SYCP1: variants seen among roughly 807,000 people sequenced by gnomAD.
The protein encoded by SYCP1 is cancer/testis antigen 8.
In SYCP1, 64 loss-of-function variants were observed where a neutral mutation model predicts 153.1. That is an observed-to-expected ratio of 0.42 (90% CI 0.34 to 0.51). The LOEUF is 0.51. Among genes scored for constraint, SYCP1 ranks in the 20% least tolerant of loss-of-function variants. SYCP1 has a pLI of 0.06. For missense variants in SYCP1, 997 were observed against 1,049.0 expected (o/e 0.95, Z 0.68); for synonymous variants, 384 against 341.8 (o/e 1.12, Z -1.36).
chr1:114,947,942 TACATGTGCACA>T (rs1042775030), intron 27 of SYCP1, among the ~76,000 whole-genome samples: 4 of 151,528 alleles, frequency 2.6e-5, no homozygotes, highest in African/African-American at 9.7e-5. Flanking sequence ...AGTTTTAGGG[TACATGTGCACA>T]ACGTGCAGGT....
intron 29 of SYCP1, among the ~76,000 whole-genome samples, chr1:114,982,272 G>A (rs536881533): frequency 6.6e-6 from 1 of 152,046 alleles, no homozygotes; most frequent in African/African-American, 2.4e-5. Flanking sequence ...TGGAGTTCCT[G>A]CCTCACTTGT....
chr1:114,971,784 A>G (rs1435283773), intron 27 of SYCP1, among the ~76,000 whole-genome samples: 1 of 152,134 alleles, frequency 6.6e-6, no homozygotes, highest in Non-Finnish European at 1.5e-5. Context: ...GCCATGATGA[A>G]TGATGTTTCA....
chr1:114,977,827 A>G (rs1049928890), intron 28 of SYCP1: 3 of 321,926 alleles, frequency 9.3e-6, no homozygotes, highest in African/African-American at 6.5e-5. Context: ...AGAAGGTTTC[A>G]GTCTAATGCA....
chr1:114,859,344 C>T (rs1408347323), intron 6 of SYCP1, among the ~76,000 whole-genome samples: 1 of 152,154 alleles, frequency 6.6e-6, no homozygotes, highest in Non-Finnish European at 1.5e-5. Flanking sequence ...GCCTCGGCCT[C>T]CCAAAGTGCT....
chr1:114,990,270 G>A (rs1227157060), intron 30 of SYCP1, among the ~76,000 whole-genome samples: 2 of 151,840 alleles, frequency 1.3e-5, no homozygotes, highest in East Asian at 1.9e-4. Context: ...ATTCACAAGG[G>A]AAATTAGAAA....
At chr1:114,941,565 A>T (rs1670390813) in intron 23 of SYCP1, among the ~76,000 whole-genome samples, 1 of 152,098 alleles carries the variant, frequency 6.6e-6, no homozygotes, top group Non-Finnish European at 1.5e-5. Flanking sequence ...AGACTACATT[A>T]TCTCCTTTAT....
chr1:114,874,870 GTGTCTGGCTTC>G (rs1367085020), intron 9 of SYCP1, among the ~76,000 whole-genome samples: 2 of 152,100 alleles, frequency 1.3e-5, no homozygotes, highest in African/African-American at 4.8e-5. Flanking sequence ...TTATTCATCT[GTGTCTGGCTTC>G]TGTTTACCTT....
chr1:114,988,237 AAGAG>A (rs1221101191), intron 30 of SYCP1, among the ~76,000 whole-genome samples: 1 of 151,560 alleles, frequency 6.6e-6, no homozygotes, highest in Non-Finnish European at 1.5e-5. Context: ...GAGAGAGAAA[AAGAG>A]AGAGAGAGGT....
At chr1:114,994,830 G>A (rs1467200897) in intron 31 of SYCP1, 43 bp downstream of exon 31, 2 of 1,572,314 alleles carry the variant, frequency 1.3e-6, no homozygotes, top group African/African-American at 1.4e-5. Context: ...TTTAAAAGCT[G>A]CACTTAAAAA....
intron 30 of SYCP1, among the ~76,000 whole-genome samples, chr1:114,988,303 A>G (rs1000221018): frequency 6.6e-6 from 1 of 151,958 alleles, no homozygotes; most frequent in Non-Finnish European, 1.5e-5. Flanking sequence ...AATTTTGATG[A>G]AAGACATGAA....
chr1:114,889,662 C>T (rs1666565659), intron 15 of SYCP1, among the ~76,000 whole-genome samples: 1 of 152,140 alleles, frequency 6.6e-6, no homozygotes. Flanking sequence ...TGCCTGTTCA[C>T]TCTGATGGTA....
intron 27 of SYCP1, among the ~76,000 whole-genome samples, chr1:114,961,969 CATCT>C (rs907725964): frequency 2.0e-5 from 3 of 148,954 alleles, no homozygotes; most frequent in African/African-American, 7.5e-5. Context: ...TTTGTGTTGC[CATCT>C]ATCTTTTTTT....
intron 30 of SYCP1, among the ~76,000 whole-genome samples, chr1:114,985,268 T>G (rs1048404455): frequency 6.6e-6 from 1 of 151,938 alleles, no homozygotes; most frequent in Non-Finnish European, 1.5e-5. Flanking sequence ...ACATGCTCCT[T>G]TTACATCACT....
intron 13 of SYCP1, 32 bp from the exon 14 acceptor site, chr1:114,886,093 A>T (rs910963345): frequency 6.7e-7 from 1 of 1,487,414 alleles, no homozygotes; most frequent in Non-Finnish European, 9.0e-7. Context: ...CCTTTGGATC[A>T]TTGCTCTTGT....
At chr1:114,866,856 A>T (rs1285731092) in intron 8 of SYCP1, among the ~76,000 whole-genome samples, 1 of 148,052 alleles carries the variant, frequency 6.8e-6, no homozygotes, top group African/African-American at 2.5e-5. Flanking sequence ...TCTATGATAA[A>T]TTTTGAGTTA....
intron 23 of SYCP1, among the ~76,000 whole-genome samples, chr1:114,939,614 A>T (rs1287094971): frequency 6.6e-6 from 1 of 152,196 alleles, no homozygotes; most frequent in Non-Finnish European, 1.5e-5. Context: ...CAGAAAGAAC[A>T]ATGGTTGCCT....
Position 114,973,299 on chromosome 1 carries a change from G to A in SYCP1, c.2323-4258G>A, listed in dbSNP as rs143953773. ...TCTAGTATGTTCTGTTTATTGGCAA[G>A]GATAACTAATTCTTTATGGTTGTGG... On this transcript the variant is annotated intron_variant, in intron 27 of 31. Coordinates refer to ENST00000369522, the MANE Select transcript of SYCP1 (RefSeq NM_003176.4). 6.6e-5 allele frequency among the ~76,000 whole-genome samples: 10 copies of A among 152,094 alleles called. No homozygotes were observed. In the East Asian group the frequency reaches 1.7e-3, roughly 26 times the overall value.
intron 16 of SYCP1, among the ~76,000 whole-genome samples, chr1:114,908,618 T>TCTTCAC (rs1418631971): frequency 1.3e-5 from 2 of 152,226 alleles, no homozygotes; most frequent in Non-Finnish European, 2.9e-5. Flanking sequence ...GTCTCTTTCC[T>TCTTCAC]TGTAATCTCC....
chr1:114,885,657 A>G (rs1425515670), intron 13 of SYCP1, 28 bp downstream of exon 13: 1 of 1,292,902 alleles, frequency 7.7e-7, no homozygotes, highest in Non-Finnish European at 1.1e-6. Context: ...ATTAGTGTGT[A>G]ATAAGTCTCA....
Sources: gnomAD v4.1 joint callset for allele counts (sites outside exome capture counted in the v4.1 genomes callset) on GRCh38, gnomAD v4.1.1 for gene constraint, MANE v1.5 for transcripts, NCBI Gene and HGNC (gene_info 2026-07-23, HGNC 2026-07-21) for gene names.